The following SLC35D2 variants were observed in gnomAD, a reference collection of about 807,000 sequenced individuals.
The protein encoded by SLC35D2 is solute carrier family 35 member D2, also known as nucleotide sugar transporter SLC35D2.
Under a neutral mutation model 41.8 loss-of-function variants are expected in SLC35D2, and 43 were observed. The observed-to-expected ratio is 1.03, with a 90% CI of 0.81 to 1.33. The LOEUF is 1.33. Among genes scored for constraint, SLC35D2 ranks in the 40% most tolerant of loss-of-function variants. SLC35D2 has a pLI of 0.00. For synonymous variants in SLC35D2, 150 were observed against 163.9 expected (o/e 0.92, Z 0.65); for missense variants, 380 against 408.4 (o/e 0.93, Z 0.60).
At chr9:96,328,645 G>A (rs181037899) in intron 9 of SLC35D2, among the ~76,000 whole-genome samples, 25 of 148,136 alleles carry the variant, frequency 1.7e-4, no homozygotes, top group Non-Finnish European at 3.3e-4. Context: ...CCAACATTGT[G>A]GCAGTCACAA....
At chr9:96,321,514 A>C (rs1003258387) in intron 11 of SLC35D2, among the ~76,000 whole-genome samples, 173 bp from the exon 12 acceptor site, 3 of 152,190 alleles carry the variant, frequency 2.0e-5, no homozygotes, top group Non-Finnish European at 4.4e-5. Context: ...CTTATTTACA[A>C]GCCTTTGGAG....
intron 6 of SLC35D2, 29 bp from the exon 7 acceptor site, chr9:96,345,430 A>G (rs1402476719): frequency 7.5e-7 from 1 of 1,333,046 alleles, no homozygotes; most frequent in Non-Finnish European, 1.1e-6. Flanking sequence ...AGGGAGAATG[A>G]TTACTCAAAA....
rs1829067763 is a variant in SLC35D2 at position 96,336,740 on chromosome 9, C to T, written c.729G>A (p.Gln243=). 2 of 1,587,300 alleles carry T rather than the reference C, an allele frequency of 1.3e-6. No homozygotes were observed. The highest frequency in any genetic ancestry group is 1.7e-6 in the Non-Finnish European group (2 of 1,161,040). ...NQWKNVVFIL[Q]FLLSCFLGFL... The stretch of plus-strand genomic sequence containing the variant: ...ACCCCAAAAAACAGGAAAGAAGAAA[C>T]TGTAGGATAAACACAACATTCTTCC... The change falls in exon 9 of 12, where the codon CAG becomes CAA. Residue 243 remains glutamine (Q), a synonymous_variant. Coordinates refer to ENST00000253270, the MANE Select transcript of SLC35D2 (RefSeq NM_007001.3).
At chr9:96,363,984 A>G (rs1830383339) in intron 3 of SLC35D2, among the ~76,000 whole-genome samples, 1 of 152,300 alleles carries the variant, frequency 6.6e-6, no homozygotes, top group South Asian at 2.1e-4. Flanking sequence ...TACTTACTGC[A>G]TTACATAAAT....
chr9:96,375,797 C>T (rs1240060724), intron 1 of SLC35D2, among the ~76,000 whole-genome samples: 3 of 152,078 alleles, frequency 2.0e-5, no homozygotes, highest in Admixed American at 1.3e-4. Context: ...GCAGGTGGAT[C>T]ACTTGAGGTC....
At chr9:96,372,829 G>A (rs1587721638) in intron 1 of SLC35D2, among the ~76,000 whole-genome samples, 1 of 148,784 alleles carries the variant, frequency 6.7e-6, no homozygotes, top group Admixed American at 6.7e-5. Context: ...CAGGTGATCC[G>A]CCCACCTCTG....
downstream of SLC35D2, among the ~76,000 whole-genome samples, chr9:96,320,484 C>G (rs1007994676): frequency 1.3e-5 from 2 of 150,732 alleles, no homozygotes; most frequent in Non-Finnish European, 2.9e-5. Context: ...CCACTGCACT[C>G]CAACATGGGG....
At chr9:96,343,318 T>G (rs1166608154) in intron 8 of SLC35D2, among the ~76,000 whole-genome samples, 1 of 152,116 alleles carries the variant, frequency 6.6e-6, no homozygotes, top group African/African-American at 2.4e-5. Context: ...AACAACACCT[T>G]CCCAAAATTC....
chr9:96,337,904 C>T (rs1033587707), intron 8 of SLC35D2, among the ~76,000 whole-genome samples: 6 of 150,802 alleles, frequency 4.0e-5, no homozygotes, highest in African/African-American at 1.5e-4. Flanking sequence ...ATCACTTGAA[C>T]CCGGGAGGCA....
intron 6 of SLC35D2, among the ~76,000 whole-genome samples, chr9:96,346,310 A>T (rs1216713091): frequency 6.6e-6 from 1 of 152,204 alleles, no homozygotes; most frequent in African/African-American, 2.4e-5. Flanking sequence ...AGGAAAGAGG[A>T]TTTGGGCTTC....
intron 2 of SLC35D2, among the ~76,000 whole-genome samples, chr9:96,366,855 T>C (rs373322546): frequency 4.0e-5 from 6 of 151,592 alleles, no homozygotes; most frequent in African/African-American, 1.5e-4. Context: ...TGTAAGAAAA[T>C]TCTTGTTATG....
At chr9:96,337,086 G>A (rs557149439) in intron 8 of SLC35D2, among the ~76,000 whole-genome samples, 30 of 152,320 alleles carry the variant, frequency 2.0e-4, no homozygotes, top group Non-Finnish European at 2.6e-4. Context: ...AATCGCAAAC[G>A]CTATTATCGC....
rs1460828186 is a variant in SLC35D2, at chr9:96,354,748, C to A, written c.348-2639G>T. ...CACCACTACACTCTAGCCTGGGCAA[C>A]AAAGTGAGACTCCATCTCAAAAAAA... On this transcript the variant is annotated intron_variant, in intron 4 of 11. Coordinates refer to ENST00000253270, the MANE Select transcript of SLC35D2 (RefSeq NM_007001.3). Among the ~76,000 whole-genome samples the A allele has an allele frequency of 3.2e-4, 24 of 74,740 alleles. No homozygotes were observed. The Admixed American group carries it at 5.4e-3, about 17-fold the overall frequency. 49.0% of individuals were successfully genotyped at this position (74,740 alleles called of 152,430 possible). A position where few individuals can be genotyped will look rare whatever the true frequency, so the allele number is the denominator to read the frequency against.
At chr9:96,338,428 C>A (rs1829152062) in intron 8 of SLC35D2, among the ~76,000 whole-genome samples, 1 of 151,928 alleles carries the variant, frequency 6.6e-6, no homozygotes, top group Non-Finnish European at 1.5e-5. Flanking sequence ...GTGGTGTGCA[C>A]ACTTGTAGTC....
chr9:96,336,931 G>A, intron 8 of SLC35D2, 147 bp from the exon 9 acceptor site: 1 of 562,446 alleles, frequency 1.8e-6, no homozygotes, highest in South Asian at 2.5e-5. Flanking sequence ...ACTAGTTGTG[G>A]GACATTGGGC....
chr9:96,329,384 C>G (rs2130856106), intron 9 of SLC35D2, among the ~76,000 whole-genome samples: 1 of 152,138 alleles, frequency 6.6e-6, no homozygotes, highest in South Asian at 2.1e-4. Context: ...GAACATGCCA[C>G]CACATTTGCC....
chr9:96,322,585 A>G (rs941525128), intron 10 of SLC35D2, among the ~76,000 whole-genome samples: 2 of 152,166 alleles, frequency 1.3e-5, no homozygotes, highest in Non-Finnish European at 1.5e-5. Context: ...TTATGGTATG[A>G]TAACAACAGA....
intron 7 of SLC35D2, among the ~76,000 whole-genome samples, chr9:96,344,692 C>T (rs1368921413): frequency 1.8e-5 from 2 of 114,138 alleles, no homozygotes; most frequent in Non-Finnish European, 1.6e-5. Flanking sequence ...ACTCATCCTC[C>T]GGGCTTCCTT....
At chr9:96,327,084 G>A (rs893988687) in intron 9 of SLC35D2, among the ~76,000 whole-genome samples, 6 of 152,190 alleles carry the variant, frequency 3.9e-5, no homozygotes, top group African/African-American at 1.4e-4. Context: ...CCAGCCCAAC[G>A]CAGGGGCAGA....
Sources: allele counts gnomAD v4.1 joint callset (sites outside exome capture counted in the v4.1 genomes callset), GRCh38; gene constraint gnomAD v4.1.1; transcripts MANE v1.5; gene names NCBI Gene and HGNC (gene_info 2026-07-23, HGNC 2026-07-21).